Variants in TSHR observed in about 807,000 individuals in gnomAD.
TSHR encodes the protein thyroid stimulating hormone receptor.
In TSHR, 51 loss-of-function variants were observed where a neutral mutation model predicts 64.1. That is an observed-to-expected ratio of 0.80 (90% CI 0.64 to 1.01). The LOEUF is 1.01. Among genes scored for constraint, TSHR ranks in the 50% least tolerant of loss-of-function variants. The pLI is 0.00. For synonymous variants in TSHR, 361 were observed against 361.9 expected (o/e 1.00, Z 0.03); for missense variants, 877 against 942.8 (o/e 0.93, Z 0.91).
At chr14:81,043,015 C>T (rs1884997215) in intron 1 of TSHR, among the ~76,000 whole-genome samples, 1 of 152,094 alleles carries the variant, frequency 6.6e-6, no homozygotes, top group Non-Finnish European at 1.5e-5. Context: ...GAAATAATTC[C>T]CTTGAAAACT....
intron 3 of TSHR, among the ~76,000 whole-genome samples, chr14:81,070,422 A>G (rs1886972630): frequency 6.6e-6 from 1 of 151,884 alleles, no homozygotes; most frequent in African/African-American, 2.4e-5. Context: ...AGGTTAGGAG[A>G]TTGAGACCAT....
At chr14:81,089,207 C>T (rs1378427434) in intron 4 of TSHR, among the ~76,000 whole-genome samples, 4 of 151,952 alleles carry the variant, frequency 2.6e-5, no homozygotes, top group Non-Finnish European at 4.4e-5. Flanking sequence ...AGGCTGGTGT[C>T]GAACTCCTGA....
chr14:81,032,759 C>A, intron 1 of TSHR: 1 of 432,330 alleles, frequency 2.3e-6, no homozygotes, highest in Non-Finnish European at 4.5e-6. Context: ...CCAAGAATTC[C>A]AAATTGGTGG....
At chr14:81,086,259 T>C (rs750610512) in intron 3 of TSHR, among the ~76,000 whole-genome samples, 3 of 152,282 alleles carry the variant, frequency 2.0e-5, no homozygotes, top group Non-Finnish European at 2.9e-5. Context: ...ATGAGGACAA[T>C]GGACCAGTAA....
intron 3 of TSHR, among the ~76,000 whole-genome samples, chr14:81,081,447 T>G (rs1227533334): frequency 6.6e-6 from 1 of 152,156 alleles, no homozygotes; most frequent in Non-Finnish European, 1.5e-5. Context: ...CCCCCTCCCT[T>G]GGCACACCAC....
chr14:80,983,295 A>G lies in TSHR; in HGVS notation c.170+27445A>G, dbSNP rs1888266819. 4.3e-6 allele frequency: 5 copies of G among 1,167,504 alleles called. No homozygotes were observed. The Admixed American group carries it at 6.9e-5, about 16-fold the overall frequency. 72.3% of individuals were successfully genotyped at this position (1,167,504 alleles called of 1,614,324 possible). On this transcript the variant is annotated intron_variant, in intron 1 of 9. Coordinates refer to ENST00000298171, the MANE Select transcript of TSHR (RefSeq NM_000369.5). ...ATCAAAGATACTAGGGCAACTGACT[A>G]CTGATTTTGTCCATCACTACATTGT...
chr14:81,021,986 C>T (rs577929347), intron 1 of TSHR, among the ~76,000 whole-genome samples: 10 of 151,908 alleles, frequency 6.6e-5, no homozygotes, highest in Non-Finnish European at 1.2e-4. Context: ...TAATCGGCCG[C>T]GTGCGGTGGC....
rs142621744 is a variant in TSHR at position 81,140,009 on chromosome 14, T to C, written c.881+142T>C. The C allele has an allele frequency of 4.1e-3, 4,802 of 1,168,186 alleles. 23 individuals are homozygous for C. The highest frequency in any genetic ancestry group is 5.4e-3 in the Non-Finnish European group (4,366 of 813,106). 72.4% of individuals were successfully genotyped at this position (1,168,186 alleles called of 1,614,324 possible). A position where few individuals can be genotyped will look rare whatever the true frequency, so the allele number is the denominator to read the frequency against. On this transcript the variant is annotated intron_variant, in intron 9 of 9. Coordinates refer to ENST00000298171, the MANE Select transcript of TSHR (RefSeq NM_000369.5). ...GCATCCATATGAAACAGGAAATCCA[T>C]GGGACACAGTGACCCTGCGGACCCA... is the stretch of plus-strand genomic sequence containing the variant.
intron 7 of TSHR, 140 bp downstream of exon 7, chr14:81,096,847 C>A: frequency 1.0e-6 from 1 of 985,066 alleles, no homozygotes; most frequent in Non-Finnish European, 1.6e-6. Flanking sequence ...GAAATGAGGT[C>A]AAGGAACTTG....
chr14:81,020,058 T>A (rs1733194494), intron 1 of TSHR, among the ~76,000 whole-genome samples: 1 of 152,218 alleles, frequency 6.6e-6, no homozygotes, highest in Non-Finnish European at 1.5e-5. Context: ...ATGGTTGAAC[T>A]AATTTACACT....
intron 1 of TSHR, among the ~76,000 whole-genome samples, chr14:81,005,549 A>T (rs1035149067): frequency 6.6e-6 from 1 of 152,158 alleles, no homozygotes; most frequent in African/African-American, 2.4e-5. Flanking sequence ...TACAGGAAAA[A>T]TATTGATCCA....
At chr14:81,001,420 A>G in intron 1 of TSHR, 2 of 453,666 alleles carry the variant, frequency 4.4e-6, no homozygotes, top group South Asian at 3.4e-5. Context: ...CTATAAGGCC[A>G]GTAGCAAATC....
chr14:81,043,288 AAAC>A (rs1885011067), intron 1 of TSHR, among the ~76,000 whole-genome samples: 2 of 152,014 alleles, frequency 1.3e-5, no homozygotes, highest in Admixed American at 6.6e-5. Context: ...TCCTGTACAC[AAAC>A]AACAGGCAAG....
chr14:81,024,293 G>C (rs372564847), intron 1 of TSHR, among the ~76,000 whole-genome samples: 39 of 151,886 alleles, frequency 2.6e-4, no homozygotes, highest in Admixed American at 1.4e-3. Context: ...TCTGTCACCA[G>C]TCTGGAGTGC....
intron 1 of TSHR, among the ~76,000 whole-genome samples, chr14:81,029,256 GT>G (rs922673578): frequency 1.1e-4 from 16 of 151,424 alleles, no homozygotes; most frequent in Admixed American, 1.3e-4. Flanking sequence ...AATCTTCAGG[GT>G]TTTTTTTAAT....
chr14:80,978,391 T>C (rs2139715849), intron 1 of TSHR, among the ~76,000 whole-genome samples: 1 of 152,306 alleles, frequency 6.6e-6, no homozygotes, highest in East Asian at 1.9e-4. Flanking sequence ...TCAGTTATTC[T>C]GGGAAGCAGA....
At chr14:81,045,372 G>A (rs1251147114) in intron 1 of TSHR, among the ~76,000 whole-genome samples, 1 of 152,054 alleles carries the variant, frequency 6.6e-6, no homozygotes, top group Non-Finnish European at 1.5e-5. Flanking sequence ...TCTGATCCTG[G>A]GCTTTTCTTC....
At chr14:80,976,085 G>T (rs1887857430) in intron 1 of TSHR, among the ~76,000 whole-genome samples, 1 of 152,072 alleles carries the variant, frequency 6.6e-6, no homozygotes, top group African/African-American at 2.4e-5. Flanking sequence ...CTAATTTTTT[G>T]TATTTTTACT....
chr14:81,134,134 C>CT (rs1026335943), intron 8 of TSHR, among the ~76,000 whole-genome samples: 5 of 151,864 alleles, frequency 3.3e-5, no homozygotes, highest in African/African-American at 1.2e-4. Flanking sequence ...ATTTTTTATT[C>CT]TTTTTTATTT....
Sources: gnomAD v4.1 joint callset for allele counts (sites outside exome capture counted in the v4.1 genomes callset) on GRCh38, gnomAD v4.1.1 for gene constraint, MANE v1.5 for transcripts, NCBI Gene and HGNC (gene_info 2026-07-23, HGNC 2026-07-21) for gene names.